Variants in TENM3 observed in about 807,000 individuals in gnomAD.
TENM3 encodes the protein teneurin transmembrane protein 3.
TENM3 carries 63 observed loss-of-function variants against 255.1 expected under a neutral mutation model. The ratio of observed to expected loss-of-function variants is 0.25; its 90% CI spans 0.20 to 0.30. TENM3 has a LOEUF of 0.30. Among genes scored for constraint, TENM3 ranks in the 10% least tolerant of loss-of-function variants. TENM3 has a pLI of 1.00. For missense variants in TENM3, 2,929 were observed against 3,461.1 expected, an observed-to-expected ratio of 0.85 and a Z score of 3.86; for synonymous variants, 1,306 against 1,322.3, an observed-to-expected ratio of 0.99 and a Z score of 0.27.
At chr4:182,365,219 G>T (rs189041303) in intron 3 of TENM3, among the ~76,000 whole-genome samples, 2 of 152,170 alleles carry the variant, frequency 1.3e-5, no homozygotes, top group African/African-American at 2.4e-5. Context: ...GCCAGTTCTT[G>T]CCTCTGTCCC....
chr4:182,036,547 C>T, the TENM3 span, among the ~76,000 whole-genome samples: 2 of 152,128 alleles, frequency 1.3e-5, no homozygotes, highest in African/African-American at 2.4e-5. Context: ...GGCTTTATAT[C>T]CCCCAAACCC....
rs565697918 is a variant in TENM3 at position 182,365,633 on chromosome 4, C to T, written c.511+18704C>T. ...GTATCCTTATTGAGTAAATGAAAAA[C>T]ATAAAGCAGGCGATAAATAGCACTG... On this transcript the variant is annotated intron_variant, in intron 3 of 27. Coordinates refer to ENST00000511685, the MANE Select transcript of TENM3 (RefSeq NM_001080477.4). Among the ~76,000 whole-genome samples the T allele has an allele frequency of 1.9e-4, 29 of 152,280 alleles. No homozygotes were observed. The South Asian group carries it at 5.8e-3, about 30-fold the overall frequency.
At chr4:182,207,731 A>T (rs1280088106) in intron 1 of TENM3, among the ~76,000 whole-genome samples, 2 of 152,342 alleles carry the variant, frequency 1.3e-5, no homozygotes, top group East Asian at 3.9e-4. Flanking sequence ...GATCAAAAGT[A>T]TTTTAAGTGC....
chr4:181,680,107 G>A, the TENM3 span, among the ~76,000 whole-genome samples: 4 of 151,982 alleles, frequency 2.6e-5, no homozygotes, highest in Admixed American at 6.6e-5. Flanking sequence ...ATTTTATTTT[G>A]TATTTTTATT....
At chr4:181,500,968 C>A in the TENM3 span, among the ~76,000 whole-genome samples, 4 of 152,140 alleles carry the variant, frequency 2.6e-5, no homozygotes, top group African/African-American at 9.7e-5. Flanking sequence ...CCCCACCTGT[C>A]AGTACCCCTA....
chr4:181,995,522 A>G, the TENM3 span, among the ~76,000 whole-genome samples: 1 of 152,140 alleles, frequency 6.6e-6, no homozygotes, highest in Non-Finnish European at 1.5e-5. Context: ...GTTGTATTGC[A>G]AAAGGCATTT....
intron 5 of TENM3, among the ~76,000 whole-genome samples, chr4:182,630,346 G>C (rs1253947368): frequency 6.6e-6 from 1 of 152,114 alleles, no homozygotes; most frequent in Non-Finnish European, 1.5e-5. Context: ...GTTAGAAAAT[G>C]TATCAGCCAT....
intron 4 of TENM3, among the ~76,000 whole-genome samples, chr4:182,628,087 G>A (rs759844028): frequency 1.3e-5 from 2 of 152,172 alleles, no homozygotes; most frequent in South Asian, 4.1e-4. Context: ...CTGAGCAGCT[G>A]CCTGTAACCG....
In TENM3 at chr4:182,656,960, A is replaced by G. The variant is rs115487308; in HGVS notation, c.1111+3067A>G. Among the ~76,000 whole-genome samples the G allele has an allele frequency of 4.8e-3, 733 of 152,280 alleles. 12 individuals carry two copies. The highest frequency in any genetic ancestry group is 0.016 in the African/African-American group (679 of 41,548). ...TGAGTTATCAGAAGCGTAGGGTCTTAGACAAAACTGATGGAAATGGACAAA... is the reference window on the plus strand; with the variant it reads ...TGAGTTATCAGAAGCGTAGGGTCTTGGACAAAACTGATGGAAATGGACAAA... On this transcript the variant is annotated intron_variant, in intron 6 of 27. Coordinates refer to ENST00000511685, the MANE Select transcript of TENM3 (RefSeq NM_001080477.4).
At chr4:182,267,894 T>C (rs1317788871) in intron 1 of TENM3, among the ~76,000 whole-genome samples, 1 of 152,218 alleles carries the variant, frequency 6.6e-6, no homozygotes, top group Non-Finnish European at 1.5e-5. Context: ...TATTAGATTC[T>C]AGTCTCATCA....
chr4:182,003,683 T>A, the TENM3 span, among the ~76,000 whole-genome samples: 1 of 152,120 alleles, frequency 6.6e-6, no homozygotes, highest in Admixed American at 6.5e-5. Flanking sequence ...GGAAATTATA[T>A]CTCACTAATG....
chr4:182,574,708 C>G (rs1474330459), intron 3 of TENM3, among the ~76,000 whole-genome samples: 2 of 152,034 alleles, frequency 1.3e-5, no homozygotes, highest in African/African-American at 4.8e-5. Flanking sequence ...TTCTCTTCTC[C>G]TACCCTACTA....
chr4:181,756,635 C>T, the TENM3 span, among the ~76,000 whole-genome samples: 4 of 152,286 alleles, frequency 2.6e-5, no homozygotes, highest in Admixed American at 2.0e-4. Flanking sequence ...GAACAAACTC[C>T]GATGGCAGTT....
intron 1 of TENM3, among the ~76,000 whole-genome samples, chr4:182,245,238 A>G (rs1468850274): frequency 2.0e-5 from 3 of 152,176 alleles, no homozygotes; most frequent in African/African-American, 7.2e-5. Flanking sequence ...ACAAGACACA[A>G]TTGTTTCCAG....
the TENM3 span, among the ~76,000 whole-genome samples, chr4:181,899,528 G>T: frequency 6.6e-6 from 1 of 151,850 alleles, no homozygotes; most frequent in East Asian, 1.9e-4. Flanking sequence ...TATTTGTTTT[G>T]TTGTTTTGTT....
chr4:181,972,236 G>T, the TENM3 span, among the ~76,000 whole-genome samples: 875 of 151,930 alleles, frequency 5.8e-3, 8 homozygotes, highest in African/African-American at 0.021. Context: ...AGCCTGGGCA[G>T]CAAGATAAAG....
chr4:182,386,914 G>A (rs867318847), intron 3 of TENM3, among the ~76,000 whole-genome samples: 79 of 152,322 alleles, frequency 5.2e-4, no homozygotes, highest in African/African-American at 1.7e-3. Flanking sequence ...CCCATCGACC[G>A]CCCAAGGGCT....
the TENM3 span, among the ~76,000 whole-genome samples, chr4:181,843,648 T>C: frequency 6.6e-6 from 1 of 151,768 alleles, no homozygotes; most frequent in Non-Finnish European, 1.5e-5. Flanking sequence ...AGTAAAGAAA[T>C]GGATCTGGAT....
chr4:181,556,869 T>C, the TENM3 span, among the ~76,000 whole-genome samples: 14 of 152,216 alleles, frequency 9.2e-5, no homozygotes, highest in Non-Finnish European at 1.6e-4. Context: ...GTGCATAGTA[T>C]ACCAAATTCA....
Sources: allele counts gnomAD v4.1 joint callset (sites outside exome capture counted in the v4.1 genomes callset), GRCh38; gene constraint gnomAD v4.1.1; transcripts MANE v1.5; gene names NCBI Gene and HGNC (gene_info 2026-07-23, HGNC 2026-07-21).